DYNC1I1: variants seen among roughly 807,000 people sequenced by gnomAD.
The protein encoded by DYNC1I1 is cytoplasmic dynein 1 intermediate chain 1.
DYNC1I1 carries 43 observed loss-of-function variants against 86.6 expected under a neutral mutation model. The ratio of observed to expected loss-of-function variants is 0.50; its 90% CI spans 0.39 to 0.64. The LOEUF is 0.64. DYNC1I1 is among the 30% of genes least tolerant of loss of function. The probability of loss-of-function intolerance (pLI) is 0.00; values close to 1 mark genes in which losing one functional copy is unlikely to be tolerated. For synonymous variants in DYNC1I1, 262 were observed against 283.7 expected, an observed-to-expected ratio of 0.92 and a Z score of 0.77; for missense variants, 604 against 788.8, an observed-to-expected ratio of 0.77 and a Z score of 2.81.
intron 6 of DYNC1I1, among the ~76,000 whole-genome samples, chr7:95,926,058 G>T (rs1175547841): frequency 2.0e-5 from 3 of 152,170 alleles, no homozygotes; most frequent in African/African-American, 4.8e-5. Flanking sequence ...AGCAGCTCCA[G>T]AGGAGAGTGC....
intron 5 of DYNC1I1, among the ~76,000 whole-genome samples, chr7:95,830,962 T>C (rs1240229579): frequency 6.6e-6 from 1 of 152,186 alleles, no homozygotes; most frequent in Non-Finnish European, 1.5e-5. Flanking sequence ...ATTTCCCTAA[T>C]GACTAATAAT....
At chr7:95,914,338 T>C (rs1273109805) in intron 6 of DYNC1I1, among the ~76,000 whole-genome samples, 1 of 152,232 alleles carries the variant, frequency 6.6e-6, no homozygotes, top group Non-Finnish European at 1.5e-5. Flanking sequence ...ATTATGGTTA[T>C]TTTTATAGGC....
At chr7:95,858,671 A>T (rs1327341780) in intron 5 of DYNC1I1, among the ~76,000 whole-genome samples, 1 of 151,824 alleles carries the variant, frequency 6.6e-6, no homozygotes, top group Admixed American at 6.6e-5. Flanking sequence ...GGAATTTTTC[A>T]ACTCTAATAA....
At chr7:95,955,636 G>T (rs1792691338) in intron 6 of DYNC1I1, among the ~76,000 whole-genome samples, 1 of 152,120 alleles carries the variant, frequency 6.6e-6, no homozygotes, top group South Asian at 2.1e-4. Context: ...ACCACAGAGA[G>T]GTGAGAAGCA....
At chr7:95,826,683 A>C (rs1003027990) in intron 4 of DYNC1I1, among the ~76,000 whole-genome samples, 1 of 152,166 alleles carries the variant, frequency 6.6e-6, no homozygotes, top group Non-Finnish European at 1.5e-5. Flanking sequence ...TGAAGGAAAT[A>C]AAGCAGGGGA....
At chr7:96,105,210 AT>A (rs948898348) in intron 16 of DYNC1I1, among the ~76,000 whole-genome samples, 1 of 151,958 alleles carries the variant, frequency 6.6e-6, no homozygotes, top group African/African-American at 2.4e-5. Context: ...TTATTTATAG[AT>A]TTTTTTAGAT....
intron 13 of DYNC1I1, among the ~76,000 whole-genome samples, chr7:96,037,783 A>G (rs555164618): frequency 1.3e-5 from 2 of 152,330 alleles, no homozygotes; most frequent in East Asian, 3.9e-4. Context: ...TCTTTTTACA[A>G]CAAGCTGAAT....
chr7:95,957,485 T>C (rs1019002417), intron 6 of DYNC1I1, among the ~76,000 whole-genome samples: 3 of 152,200 alleles, frequency 2.0e-5, no homozygotes, highest in African/African-American at 7.2e-5. Flanking sequence ...TGCTCATCAA[T>C]GCAGGATTTC....
chr7:95,847,333 C>A (rs558167666), intron 5 of DYNC1I1, among the ~76,000 whole-genome samples: 1 of 152,228 alleles, frequency 6.6e-6, no homozygotes, highest in South Asian at 2.1e-4. Flanking sequence ...TCTCTGGCTG[C>A]TCCCTTTGAA....
intron 6 of DYNC1I1, among the ~76,000 whole-genome samples, chr7:95,888,303 A>G (rs916450636): frequency 1.3e-5 from 2 of 152,042 alleles, no homozygotes; most frequent in Admixed American, 6.6e-5. Flanking sequence ...TGAACGTGGT[A>G]GTGCACGCCT....
chr7:96,037,236 T>G (rs1794946884), intron 13 of DYNC1I1, among the ~76,000 whole-genome samples: 2 of 152,198 alleles, frequency 1.3e-5, no homozygotes, highest in African/African-American at 4.8e-5. Context: ...ATGATCCTCC[T>G]TCATAAACCC....
chr7:96,093,375 C>T (rs1790904107), intron 16 of DYNC1I1, among the ~76,000 whole-genome samples: 1 of 152,152 alleles, frequency 6.6e-6, no homozygotes, highest in Non-Finnish European at 1.5e-5. Context: ...CTTGAGTCTC[C>T]TGTCCAAATC....
At chr7:95,925,041 T>C (rs936361649) in intron 6 of DYNC1I1, among the ~76,000 whole-genome samples, 1 of 152,186 alleles carries the variant, frequency 6.6e-6, no homozygotes, top group African/African-American at 2.4e-5. Flanking sequence ...TTAAGGTTTC[T>C]GTTGGTATTC....
At chr7:95,880,939 T>C (rs1267589843) in intron 6 of DYNC1I1, among the ~76,000 whole-genome samples, 1 of 152,168 alleles carries the variant, frequency 6.6e-6, no homozygotes, top group Non-Finnish European at 1.5e-5. Context: ...TTATCAACAA[T>C]GAAAATGTTA....
At chr7:96,096,996 A>G (rs1470494221) in intron 16 of DYNC1I1, among the ~76,000 whole-genome samples, 4 of 152,180 alleles carry the variant, frequency 2.6e-5, no homozygotes, top group Non-Finnish European at 4.4e-5. Context: ...ACTATTTCAT[A>G]GGAGGAATAT....
chr7:96,022,295 C>T (rs981095846), intron 10 of DYNC1I1, among the ~76,000 whole-genome samples: 2 of 152,172 alleles, frequency 1.3e-5, no homozygotes, highest in Non-Finnish European at 2.9e-5. Flanking sequence ...GGTCTAAATA[C>T]TGAAAGCCAT....
chr7:95,786,068 T>G (rs1006229852), intron 1 of DYNC1I1, among the ~76,000 whole-genome samples: 1 of 152,028 alleles, frequency 6.6e-6, no homozygotes, highest in African/African-American at 2.4e-5. Context: ...TTCTTGATAT[T>G]TTTTCAAGAC....
intron 10 of DYNC1I1, among the ~76,000 whole-genome samples, chr7:95,997,972 A>G (rs1158066453): frequency 1.3e-5 from 2 of 152,206 alleles, no homozygotes; most frequent in Admixed American, 1.3e-4. Context: ...TTCAGCAGCC[A>G]GGGAAGTCCT....
intron 14 of DYNC1I1, among the ~76,000 whole-genome samples, chr7:96,067,545 C>T (rs1790031104): frequency 6.6e-6 from 1 of 151,238 alleles, no homozygotes; most frequent in Admixed American, 6.6e-5. Flanking sequence ...CACCTCCAGA[C>T]TTGGCCTGTG....
Sources: allele counts gnomAD v4.1 joint callset (sites outside exome capture counted in the v4.1 genomes callset), GRCh38; gene constraint gnomAD v4.1.1; transcripts MANE v1.5; gene names NCBI Gene and HGNC (gene_info 2026-07-23, HGNC 2026-07-21).